BBOF1: variants seen among roughly 807,000 people sequenced by gnomAD.
The protein encoded by BBOF1 is basal body orientation factor 1.
In BBOF1, 62 loss-of-function variants were observed where a neutral mutation model predicts 68.0. That is an observed-to-expected ratio of 0.91 (90% CI 0.74 to 1.13). The LOEUF (loss-of-function observed/expected upper bound fraction) is 1.13. Ranked by LOEUF, BBOF1 falls within the 50% of genes most tolerant of loss-of-function variation. BBOF1 has a pLI of 0.00. For missense variants in BBOF1, 534 were observed against 600.1 expected (o/e 0.89, Z 1.15); for synonymous variants, 208 against 198.8 (o/e 1.05, Z -0.39).
intron 7 of BBOF1, 61 bp from the exon 8 acceptor site, chr14:74,049,641 G>A (rs1005505803): frequency 2.1e-5 from 30 of 1,417,972 alleles, no homozygotes; most frequent in Admixed American, 8.2e-5. Flanking sequence ...CAGCCTGGGC[G>A]ACAGAGCAAG....
downstream of BBOF1, chr14:74,071,007 A>C (rs1206695438): frequency 3.1e-6 from 2 of 649,456 alleles, no homozygotes; most frequent in Non-Finnish European, 5.5e-6. Context: ...GGCAACAAGC[A>C]CTGCTATTCC....
Position 74,040,637 on chromosome 14 carries a change from G to GA in BBOF1, c.570dup (p.Glu191ArgfsTer10). 1.3e-6 allele frequency: 2 copies of GA among 1,580,434 alleles called. No homozygotes were observed. Among genetic ancestry groups the GA allele is most frequent in the Non-Finnish European group, 1.7e-6 (2 of 1,161,206 alleles). ...TAGAAGACTGGAAAGCAGATTTTTT[G>GA]AAGAAAAGGTACAGATTATTAGGGT... On this transcript the variant is annotated frameshift_variant, in exon 5 of 12. Coordinates refer to ENST00000394009, the MANE Select transcript of BBOF1 (RefSeq NM_025057.3). LOFTEE classifies it high-confidence loss of function.
In BBOF1 at chr14:74,034,180, C is replaced by A. The variant is rs200179020; in HGVS notation, c.495+9C>A. ...AGAGAGAGTTAGATGATGTAAGTTTCATTCCTTTTTTACAAAAAGGAAATT... is the reference window on the plus strand; with the variant it reads ...AGAGAGAGTTAGATGATGTAAGTTTAATTCCTTTTTTACAAAAAGGAAATT... On this transcript the variant is annotated intron_variant, in intron 4 of 11. Transcript: ENST00000394009. The A allele has an allele frequency of 2.6e-6, 4 of 1,513,308 alleles. No individual in the cohort carries two copies. The highest frequency in any genetic ancestry group is 3.5e-6 in the Non-Finnish European group (4 of 1,130,268). 93.7% of individuals were successfully genotyped at this position (1,513,308 alleles called of 1,614,324 possible).
At chr14:74,041,017 T>A (rs1033554311) in intron 5 of BBOF1, among the ~76,000 whole-genome samples, 1 of 152,122 alleles carries the variant, frequency 6.6e-6, no homozygotes, top group Non-Finnish European at 1.5e-5. Context: ...CTAAAGATGT[T>A]AATAAAAAAT....
At chr14:74,034,330 A>G (rs1376903521) in intron 4 of BBOF1, among the ~76,000 whole-genome samples, 159 bp downstream of exon 4, 1 of 152,198 alleles carries the variant, frequency 6.6e-6, no homozygotes, top group African/African-American at 2.4e-5. Flanking sequence ...CTGGATGCCA[A>G]AGGTCTTGAC....
At chr14:74,067,582 G>C, downstream of BBOF1, 1 of 1,612,610 alleles carries the variant, frequency 6.2e-7, no homozygotes, top group Non-Finnish European at 8.5e-7. Context: ...AAAAAAAAAT[G>C]CAGAAAGCAC....
chr14:74,034,072 C>A lies in BBOF1; in HGVS notation c.396C>A (p.Phe132Leu). Reference protein sequence around the residue: ...TRQINELEGQFHQKAKEIGMI... With the variant: ...TRQINELEGQLHQKAKEIGMI... ...AAATTAATGAACTAGAGGGACAGTT[C>A]CATCAAAAAGCCAAAGAAATTGGCA... Residue 132 changes from phenylalanine to leucine, a missense_variant, in exon 4 of 12, where the codon TTC becomes TTA. Phe to Leu is a conservative substitution (Grantham distance 22, BLOSUM62 0). Coordinates refer to ENST00000394009, the MANE Select transcript of BBOF1 (RefSeq NM_025057.3). 1 of 1,607,742 alleles carries A rather than the reference C, an allele frequency of 6.2e-7. No individual in the cohort carries two copies. The highest frequency in any genetic ancestry group is 2.3e-5 in the East Asian group (1 of 44,330).
chr14:74,039,896 C>G (rs1347271005), intron 4 of BBOF1, among the ~76,000 whole-genome samples: 2 of 152,080 alleles, frequency 1.3e-5, no homozygotes, highest in East Asian at 3.8e-4. Flanking sequence ...AAATCCATCT[C>G]CACATACAAT....
chr14:74,035,584 ATTTTTT>A lies in BBOF1; in HGVS notation c.495+1436_495+1441del, dbSNP rs71460945. ...AGGCGTGCACCACCACCCCCAGCTA[ATTTTTT>A]TTTTTTTTTTTTTTTTTTTTTTAGT... On this transcript the variant is annotated intron_variant, in intron 4 of 11. Transcript: ENST00000394009. Among the ~76,000 whole-genome samples, 521 of 81,376 alleles carry A rather than the reference ATTTTTT, an allele frequency of 6.4e-3. 10 individuals are homozygous for A. Among genetic ancestry groups the A allele is most frequent in the African/African-American group, 0.032 (501 of 15,642 alleles). 53.4% of individuals were successfully genotyped at this position (81,376 alleles called of 152,430 possible).
intron 4 of BBOF1, among the ~76,000 whole-genome samples, chr14:74,039,710 T>C (rs1205558679): frequency 6.6e-6 from 1 of 152,098 alleles, no homozygotes; most frequent in Non-Finnish European, 1.5e-5. Flanking sequence ...AGTACTGGGA[T>C]TACAGGCATG....
downstream of BBOF1, chr14:74,067,436 G>A (rs2060484582): frequency 2.5e-6 from 4 of 1,613,946 alleles, no homozygotes; most frequent in Non-Finnish European, 3.4e-6. Context: ...CCACTTCTTG[G>A]CTTCTCCCAC....
chr14:74,060,145 A>C (rs977065088), intron 11 of BBOF1: 2 of 157,920 alleles, frequency 1.3e-5, no homozygotes, highest in African/African-American at 4.8e-5. Flanking sequence ...CTTCTTTAAA[A>C]AATTTTTTTT....
At chr14:74,055,321 G>C in intron 8 of BBOF1, 3 of 330,998 alleles carry the variant, frequency 9.1e-6, no homozygotes, top group Non-Finnish European at 1.7e-5. Flanking sequence ...GCTAATTTTT[G>C]TATTTTTAGT....
At chr14:74,062,044 C>T (rs2139736580) in intron 11 of BBOF1, among the ~76,000 whole-genome samples, 1 of 110,032 alleles carries the variant, frequency 9.1e-6, no homozygotes, top group African/African-American at 3.7e-5. Flanking sequence ...AACCTCGTCT[C>T]TACTGGGAAA....
At chr14:74,069,112 T>C (rs2060513921), downstream of BBOF1, 1 of 1,120,152 alleles carries the variant, frequency 8.9e-7, no homozygotes, top group South Asian at 1.6e-5. Flanking sequence ...TTTTTTTTTT[T>C]TTTTTTTTTT....
At chr14:74,022,041 C>T (rs2059314559) in intron 1 of BBOF1, among the ~76,000 whole-genome samples, 2 of 151,938 alleles carry the variant, frequency 1.3e-5, no homozygotes, top group Non-Finnish European at 2.9e-5. Flanking sequence ...GAACCAAAGT[C>T]CAGCACTGAG....
intron 5 of BBOF1, among the ~76,000 whole-genome samples, chr14:74,044,946 C>G (rs1256823983): frequency 1.3e-5 from 2 of 152,094 alleles, no homozygotes; most frequent in Non-Finnish European, 2.9e-5. Flanking sequence ...CTATGTTGTT[C>G]AGCTGGGCTT....
intron 9 of BBOF1, among the ~76,000 whole-genome samples, chr14:74,073,934 AG>A (rs1197815725): frequency 6.6e-6 from 1 of 150,532 alleles, no homozygotes; most frequent in Non-Finnish European, 1.5e-5. Context: ...AAAAAAAAAA[AG>A]ATTTTGAAAA....
chr14:74,048,927 C>T (rs2060008590), intron 7 of BBOF1, among the ~76,000 whole-genome samples: 1 of 152,150 alleles, frequency 6.6e-6, no homozygotes, highest in Non-Finnish European at 1.5e-5. Context: ...GGCTAGAATG[C>T]AGTGGCATGA....
Sources: gnomAD v4.1 joint callset for allele counts (sites outside exome capture counted in the v4.1 genomes callset) on GRCh38, gnomAD v4.1.1 for gene constraint, MANE v1.5 for transcripts, NCBI Gene and HGNC (gene_info 2026-07-23, HGNC 2026-07-21) for gene names.